ELMO1: variants seen among roughly 807,000 people sequenced by gnomAD.
ELMO1 encodes the protein engulfment and cell motility 1, also known as engulfment and cell motility protein 1.
A neutral mutation model predicts 98.9 loss-of-function variants in ELMO1; 26 were observed. The ratio of observed to expected loss-of-function variants is 0.26; its 90% CI spans 0.19 to 0.36. The LOEUF (loss-of-function observed/expected upper bound fraction) is 0.36. Among genes scored for constraint, ELMO1 ranks in the 10% least tolerant of loss-of-function variants. The pLI is 1.00. For synonymous variants in ELMO1, 346 were observed against 346.0 expected (o/e 1.00, Z 0.00); for missense variants, 627 against 935.2 (o/e 0.67, Z 4.30).
intron 8 of ELMO1, among the ~76,000 whole-genome samples, chr7:37,227,727 T>C (rs774057790): frequency 1.3e-5 from 2 of 152,238 alleles, no homozygotes; most frequent in Admixed American, 6.5e-5. Flanking sequence ...CTTCTCATAA[T>C]GGGTTTTAAA....
intron 13 of ELMO1, among the ~76,000 whole-genome samples, chr7:37,152,444 CTTTTTTTT>C (rs11421529): frequency 7.0e-6 from 1 of 143,808 alleles, no homozygotes; most frequent in Non-Finnish European, 1.5e-5. Context: ...AATGTTGGGG[CTTTTTTTT>C]TTTTTTTTAT....
At chr7:37,008,787 T>C (rs1562893347) in intron 16 of ELMO1, among the ~76,000 whole-genome samples, 1 of 152,184 alleles carries the variant, frequency 6.6e-6, no homozygotes, top group Non-Finnish European at 1.5e-5. Context: ...ACTCCATCAA[T>C]GCACGAAATT....
rs892365578 is a variant in ELMO1, at chr7:37,002,503, G to A, written c.1437+10796C>T. Among the ~76,000 whole-genome samples, 11 of 152,284 alleles carry A rather than the reference G, an allele frequency of 7.2e-5. 1 individual carries two copies. Among genetic ancestry groups the A allele is most frequent in the Middle Eastern group, 6.8e-3 (2 of 294 alleles). ...TAAAGGACCATGTGGTGATTGTACC[G>A]ACTTTGGCCACTAATCAGTTTCACA... On this transcript the variant is annotated intron_variant, in intron 16 of 21. Transcript: ENST00000310758.
At chr7:37,437,729 G>A (rs1805208923) in intron 1 of ELMO1, among the ~76,000 whole-genome samples, 1 of 11,216 alleles carries the variant, frequency 8.9e-5, no homozygotes, top group African/African-American at 2.3e-4. Flanking sequence ...CAGCACTTTG[G>A]GAGGCCGAGG....
intron 16 of ELMO1, among the ~76,000 whole-genome samples, chr7:36,902,244 A>G (rs1013195171): frequency 5.9e-5 from 9 of 152,222 alleles, no homozygotes; most frequent in Non-Finnish European, 1.2e-4. Flanking sequence ...AAAGCAAAAA[A>G]GCTTCTCTGC....
Position 36,997,443 on chromosome 7 carries a change from T to C in ELMO1, c.1437+15856A>G, listed in dbSNP as rs150589880. Reference sequence around the variant, plus strand: ...TGGAGTCACAGCATTAAAAGGCAGGTGGCCCTTCTCATAGAGTGGTGAATC... The same window carrying C: ...TGGAGTCACAGCATTAAAAGGCAGGCGGCCCTTCTCATAGAGTGGTGAATC... On this transcript the variant is annotated intron_variant, in intron 16 of 21. Transcript: ENST00000310758. Among the ~76,000 whole-genome samples, 1,387 of 152,184 alleles carry C rather than the reference T, an allele frequency of 9.1e-3. 14 individuals are homozygous for C. The highest frequency in any genetic ancestry group is 0.029 in the South Asian group (142 of 4,824).
intron 16 of ELMO1, chr7:36,985,102 AC>A: frequency 4.1e-6 from 4 of 985,282 alleles, no homozygotes; most frequent in Non-Finnish European, 4.8e-6. Flanking sequence ...TCCTGTTTCT[AC>A]CCAACGAAAT....
At chr7:37,448,204 G>A (rs552570552) in intron 1 of ELMO1, among the ~76,000 whole-genome samples, 8 of 150,004 alleles carry the variant, frequency 5.3e-5, no homozygotes, top group African/African-American at 2.0e-4. Context: ...AGTCTGAGCC[G>A]CAGCCGCTTC....
At chr7:37,025,277 T>C (rs1318611142) in intron 15 of ELMO1, among the ~76,000 whole-genome samples, 2 of 152,222 alleles carry the variant, frequency 1.3e-5, no homozygotes. Context: ...GTTTGTGATG[T>C]GAATTAGCAA....
intron 19 of ELMO1, among the ~76,000 whole-genome samples, chr7:36,873,740 C>T (rs73689663): frequency 0.036 from 5,557 of 152,290 alleles, 167 homozygotes; most frequent in South Asian, 0.15. Context: ...GTTATCACTT[C>T]GGACATTCAG....
intron 16 of ELMO1, among the ~76,000 whole-genome samples, chr7:36,944,547 T>C (rs1356289986): frequency 1.3e-5 from 2 of 152,254 alleles, no homozygotes; most frequent in African/African-American, 4.8e-5. Context: ...CTGCTGAGCA[T>C]CTTGCTAAGT....
intron 1 of ELMO1, among the ~76,000 whole-genome samples, chr7:37,439,425 C>T (rs1036612140): frequency 1.5e-4 from 23 of 152,190 alleles, no homozygotes; most frequent in African/African-American, 4.8e-4. Flanking sequence ...TCTGCAATCA[C>T]GGTAAACATA....
rs776244862 is a variant in ELMO1, at chr7:36,928,893, G to A, written c.1438-33876C>T. 5.3e-5 allele frequency among the ~76,000 whole-genome samples: 8 copies of A among 152,318 alleles called. No individual in the cohort carries two copies. In the East Asian group the frequency reaches 1.2e-3, roughly 22 times the overall value. ...TGACACACAAAGAGCTGCACAGCAC[G>A]TGCACCCACAACAAGGGACCAGAAA... is the stretch of plus-strand genomic sequence containing the variant. On this transcript the variant is annotated intron_variant, in intron 16 of 21. Transcript: ENST00000310758.
chr7:36,903,772 C>G (rs1783757296), intron 16 of ELMO1, among the ~76,000 whole-genome samples: 1 of 152,240 alleles, frequency 6.6e-6, no homozygotes, highest in South Asian at 2.1e-4. Flanking sequence ...TCCCTCTGTG[C>G]TGCCCAATGT....
chr7:37,421,345 T>A (rs1804462531), intron 1 of ELMO1, among the ~76,000 whole-genome samples: 1 of 152,222 alleles, frequency 6.6e-6, no homozygotes, highest in Non-Finnish European at 1.5e-5. Flanking sequence ...GCCCACCACA[T>A]ATTTTCTGAT....
At chr7:37,440,321 A>T (rs1335258400) in intron 1 of ELMO1, among the ~76,000 whole-genome samples, 3 of 152,080 alleles carry the variant, frequency 2.0e-5, no homozygotes, top group Non-Finnish European at 4.4e-5. Context: ...AGGCACCTGT[A>T]GTCCCAGTTA....
At chr7:37,317,978 A>T (rs1335921203) in intron 2 of ELMO1, among the ~76,000 whole-genome samples, 1 of 152,244 alleles carries the variant, frequency 6.6e-6, no homozygotes, top group African/African-American at 2.4e-5. Context: ...AAGTTAAAAA[A>T]ATAAATGAAT....
chr7:36,909,583 C>T (rs1023344014), intron 16 of ELMO1, among the ~76,000 whole-genome samples: 1 of 152,130 alleles, frequency 6.6e-6, no homozygotes, highest in African/African-American at 2.4e-5. Context: ...GTTCTTTTTT[C>T]GTGTGTGTGG....
intron 15 of ELMO1, among the ~76,000 whole-genome samples, chr7:37,080,456 G>A (rs1357386996): frequency 1.2e-5 from 1 of 80,896 alleles, no homozygotes; most frequent in Non-Finnish European, 2.5e-5. Flanking sequence ...TTTTTTTTTT[G>A]AGACAGAGTC....
Sources: allele counts gnomAD v4.1 joint callset (sites outside exome capture counted in the v4.1 genomes callset), GRCh38; gene constraint gnomAD v4.1.1; transcripts MANE v1.5; gene names NCBI Gene and HGNC (gene_info 2026-07-23, HGNC 2026-07-21).